The following EYS variants were observed in gnomAD, a reference collection of about 807,000 sequenced individuals.
The protein encoded by EYS is EGF-like photoreceptor maintenance factor.
A neutral mutation model predicts 282.1 loss-of-function variants in EYS; 250 were observed. The observed-to-expected ratio is 0.89, with a 90% CI of 0.80 to 0.98. EYS has a LOEUF of 0.98. Among genes scored for constraint, EYS ranks in the 50% least tolerant of loss-of-function variants. EYS has a pLI of 0.00. For synonymous variants in EYS, 1,355 were observed against 1,282.9 expected, an observed-to-expected ratio of 1.06 and a Z score of -1.20; for missense variants, 4,016 against 3,709.0, an observed-to-expected ratio of 1.08 and a Z score of -2.15.
chr6:63,958,589 C>G lies in EYS; in HGVS notation c.7055+25794G>C, dbSNP rs186933759. Among the ~76,000 whole-genome samples, 3 of 152,314 alleles carry G rather than the reference C, an allele frequency of 2.0e-5. No homozygotes were observed. The East Asian group carries it at 5.8e-4, about 29-fold the overall frequency. On this transcript the variant is annotated intron_variant, in intron 35 of 42. Coordinates refer to ENST00000503581, the MANE Select transcript of EYS (RefSeq NM_001142800.2). ...GTGGCTACACTAAACAACAGAGTTTCAATGTAGCGAAAGCAGCCTTATATT... is the reference window on the plus strand; with the variant it reads ...GTGGCTACACTAAACAACAGAGTTTGAATGTAGCGAAAGCAGCCTTATATT...
intron 19 of EYS, among the ~76,000 whole-genome samples, chr6:64,838,427 T>G (rs191597648): frequency 6.6e-6 from 1 of 151,982 alleles, no homozygotes. Context: ...TGGTTCTCTA[T>G]CTATTCTTTT....
chr6:64,024,346 T>C (rs900634435), intron 33 of EYS, among the ~76,000 whole-genome samples: 4 of 152,074 alleles, frequency 2.6e-5, no homozygotes, highest in African/African-American at 9.7e-5. Context: ...GGAGAACATT[T>C]GTGTGGTGAC....
chr6:64,673,399 A>G (rs1355512602), intron 22 of EYS, among the ~76,000 whole-genome samples: 1 of 152,116 alleles, frequency 6.6e-6, no homozygotes, highest in Non-Finnish European at 1.5e-5. Context: ...GATGCTAAGA[A>G]GCAACATGTT....
chr6:63,966,250 G>A (rs975129752), intron 35 of EYS, among the ~76,000 whole-genome samples: 5 of 152,188 alleles, frequency 3.3e-5, no homozygotes, highest in Admixed American at 2.6e-4. Flanking sequence ...TATTCTAAGT[G>A]AAGTAGCTCA....
At chr6:65,217,687 T>C (rs1286206914) in intron 12 of EYS, among the ~76,000 whole-genome samples, 2 of 151,996 alleles carry the variant, frequency 1.3e-5, no homozygotes, top group Non-Finnish European at 2.9e-5. Flanking sequence ...AAAAGCCTTT[T>C]AGTCTGAAAG....
At chr6:64,681,354 C>G (rs1470750475) in intron 22 of EYS, among the ~76,000 whole-genome samples, 2 of 152,046 alleles carry the variant, frequency 1.3e-5, no homozygotes, top group Non-Finnish European at 2.9e-5. Flanking sequence ...TGCTAGAGAT[C>G]AAGTACAAAG....
chr6:63,946,726 ATTTTTT>A (rs10580253), intron 35 of EYS, among the ~76,000 whole-genome samples: 1 of 135,658 alleles, frequency 7.4e-6, no homozygotes, highest in Non-Finnish European at 1.6e-5. Flanking sequence ...TTTATGAACT[ATTTTTT>A]TTTTTTTTTT....
intron 2 of EYS, among the ~76,000 whole-genome samples, chr6:65,572,431 A>G (rs1310050909): frequency 6.6e-6 from 1 of 152,182 alleles, no homozygotes; most frequent in African/African-American, 2.4e-5. Flanking sequence ...ACAAATCATA[A>G]GTAAAGAAAA....
intron 30 of EYS, among the ~76,000 whole-genome samples, chr6:64,280,022 A>G (rs1768249737): frequency 6.6e-6 from 1 of 152,282 alleles, no homozygotes; most frequent in East Asian, 1.9e-4. Context: ...CAGAGAAAGA[A>G]AAGATTGTCA....
At chr6:65,453,363 T>C (rs1416013251) in intron 5 of EYS, among the ~76,000 whole-genome samples, 4 of 151,988 alleles carry the variant, frequency 2.6e-5, no homozygotes, top group African/African-American at 9.7e-5. Context: ...ATTTTAAAAC[T>C]CAAATTTATT....
At chr6:63,828,147 A>G (rs903866101) in intron 36 of EYS, among the ~76,000 whole-genome samples, 1 of 152,220 alleles carries the variant, frequency 6.6e-6, no homozygotes, top group Non-Finnish European at 1.5e-5. Context: ...CTGAAAGCAC[A>G]CAGTCTAAGG....
chr6:65,024,730 T>C (rs1243384517), intron 13 of EYS, among the ~76,000 whole-genome samples: 1 of 152,206 alleles, frequency 6.6e-6, no homozygotes, highest in Non-Finnish European at 1.5e-5. Flanking sequence ...TTGCAAGCAA[T>C]ATATTCATGT....
intron 29 of EYS, among the ~76,000 whole-genome samples, chr6:64,346,427 T>A (rs1771399077): frequency 6.6e-6 from 1 of 151,810 alleles, no homozygotes; most frequent in Non-Finnish European, 1.5e-5. Flanking sequence ...CTGGAAACCA[T>A]CATTCTCAGC....
At chr6:65,342,546 A>G (rs2150318756) in intron 10 of EYS, among the ~76,000 whole-genome samples, 1 of 150,764 alleles carries the variant, frequency 6.6e-6, no homozygotes, top group African/African-American at 2.4e-5. Context: ...AATCAAATTA[A>G]TCAAATTATT....
chr6:63,912,280 AG>A (rs1179768012), intron 35 of EYS, among the ~76,000 whole-genome samples: 2 of 152,170 alleles, frequency 1.3e-5, no homozygotes, highest in Non-Finnish European at 2.9e-5. Flanking sequence ...GGCTTTGTTT[AG>A]TACTCAAATT....
At chr6:63,864,394 A>G in intron 35 of EYS, 36 bp from the exon 36 acceptor site, 1 of 1,506,710 alleles carries the variant, frequency 6.6e-7, no homozygotes, top group Non-Finnish European at 9.0e-7. Context: ...TCATTAGGAA[A>G]CAACTGATAT....
chr6:64,066,469 C>G lies in EYS; in HGVS notation c.6594G>C (p.Lys2198Asn). The G allele has an allele frequency of 6.5e-7, 1 of 1,543,302 alleles. No homozygotes were observed. The highest frequency in any genetic ancestry group is 8.8e-7 in the Non-Finnish European group (1 of 1,140,022). Residue 2198 changes from lysine (K) to asparagine (N), a missense_variant, in exon 33 of 43, where the codon AAG (lysine) becomes AAC (asparagine). Coordinates refer to ENST00000503581, the MANE Select transcript of EYS (RefSeq NM_001142800.2). The part of the protein sequence containing the change: ...ILYSNGNNCG[K>N]QFLHLFLVEG... The stretch of plus-strand genomic sequence containing the variant: ...CCACAAGAAATAAATGAAGAAACTG[C>G]TTTCCACAATTATTCCCATTACCTT...
chr6:65,473,894 C>A (rs940371533), intron 5 of EYS, among the ~76,000 whole-genome samples: 1 of 149,372 alleles, frequency 6.7e-6, no homozygotes, highest in Non-Finnish European at 1.5e-5. Flanking sequence ...AGTGAGAGAA[C>A]TAGAAGGATA....
chr6:64,371,033 G>C (rs1216281206), intron 29 of EYS, among the ~76,000 whole-genome samples: 4 of 151,694 alleles, frequency 2.6e-5, no homozygotes, highest in Admixed American at 2.6e-4. Flanking sequence ...GCTATGATTT[G>C]GGTTATTTCT....
Sources: allele counts gnomAD v4.1 joint callset (sites outside exome capture counted in the v4.1 genomes callset), GRCh38; gene constraint gnomAD v4.1.1; transcripts MANE v1.5; gene names NCBI Gene and HGNC (gene_info 2026-07-23, HGNC 2026-07-21).